Variants in WASF3 observed in about 807,000 individuals in gnomAD.
WASF3 encodes WASP family member 3, also known as actin-binding protein WASF3.
In WASF3, 11 loss-of-function variants were observed where a neutral mutation model predicts 46.6. The ratio of observed to expected loss-of-function variants is 0.24; its 90% confidence interval spans 0.15 to 0.39. WASF3 has a LOEUF of 0.39. Among genes scored for constraint, WASF3 ranks in the 10% least tolerant of loss-of-function variants. The pLI, the probability that WASF3 is intolerant of heterozygous loss-of-function variation, is 1.00. For synonymous variants in WASF3, 242 were observed against 259.7 expected (o/e 0.93, Z 0.65); for missense variants, 576 against 669.8 (o/e 0.86, Z 1.55).
At chr13:26,580,598 T>C (rs1396176910) in intron 1 of WASF3, among the ~76,000 whole-genome samples, 1 of 151,262 alleles carries the variant, frequency 6.6e-6, no homozygotes, top group East Asian at 1.9e-4. Context: ...AAATTATTTC[T>C]GGTAGTTTTG....
In WASF3 at chr13:26,625,323, G is replaced by A. The variant is rs1248734536; in HGVS notation, c.-11+12265G>A. On this transcript the variant is annotated intron_variant, in intron 2 of 9. Transcript: ENST00000335327. ...CTCACACAATTATGGAGGCTGAGAA[G>A]TCCCACAATCTGCTGTCTACAAACT... is the stretch of plus-strand genomic sequence containing the variant. 3.9e-5 allele frequency among the ~76,000 whole-genome samples: 6 copies of A among 152,170 alleles called. No homozygotes were observed. The East Asian group carries it at 1.2e-3, about 29-fold the overall frequency.
At chr13:26,645,399 C>G (rs1450614509) in intron 3 of WASF3, among the ~76,000 whole-genome samples, 1 of 152,172 alleles carries the variant, frequency 6.6e-6, no homozygotes, top group Non-Finnish European at 1.5e-5. Context: ...TATAAGCCAC[C>G]TACTCTGTGG....
chr13:26,600,679 A>G (rs1467884108), intron 1 of WASF3, among the ~76,000 whole-genome samples: 4 of 152,216 alleles, frequency 2.6e-5, no homozygotes, highest in African/African-American at 9.6e-5. Flanking sequence ...GTTGGTTAGT[A>G]CTGGAGGCCA....
In WASF3 at chr13:26,567,106, T is replaced by G. The variant is rs527326180; in HGVS notation, c.-109+9287T>G. 4.6e-5 allele frequency among the ~76,000 whole-genome samples: 7 copies of G among 152,306 alleles called. No homozygotes were observed. In the South Asian group the frequency reaches 1.5e-3, roughly 32 times the overall value. ...CTGTTTATCATGTCCTTAAATAAAG[T>G]GAAAGTACAACAATCAAAAACAATT... On this transcript the variant is annotated intron_variant, in intron 1 of 9. Coordinates refer to ENST00000335327, the MANE Select transcript of WASF3 (RefSeq NM_006646.6).
chr13:26,600,475 C>T (rs1049707584), intron 1 of WASF3, among the ~76,000 whole-genome samples: 2 of 152,184 alleles, frequency 1.3e-5, no homozygotes, highest in African/African-American at 4.8e-5. Flanking sequence ...GCATGGCAGG[C>T]TCAGTAGCAG....
intron 1 of WASF3, among the ~76,000 whole-genome samples, chr13:26,599,014 A>G (rs534781669): frequency 9.9e-5 from 15 of 151,866 alleles, no homozygotes; most frequent in African/African-American, 3.4e-4. Flanking sequence ...GGGATTACAC[A>G]TGCATGCCAC....
chr13:26,674,321 G>A (rs994902838), intron 6 of WASF3, among the ~76,000 whole-genome samples: 23 of 152,250 alleles, frequency 1.5e-4, no homozygotes, highest in East Asian at 7.7e-4. Flanking sequence ...CCAAAAGGCC[G>A]AGAAGCGATT....
intron 2 of WASF3, among the ~76,000 whole-genome samples, chr13:26,630,841 T>C (rs1489870999): frequency 6.6e-6 from 1 of 152,248 alleles, no homozygotes; most frequent in African/African-American, 2.4e-5. Flanking sequence ...GACTTTTTAA[T>C]GATTGCCATT....
At chr13:26,589,745 G>T (rs1054591122) in intron 1 of WASF3, among the ~76,000 whole-genome samples, 1 of 152,188 alleles carries the variant, frequency 6.6e-6, no homozygotes, top group African/African-American at 2.4e-5. Context: ...GTAGTTTGGG[G>T]TGTAGGATAC....
chr13:26,560,108 C>T (rs574268452), intron 1 of WASF3, among the ~76,000 whole-genome samples: 20 of 152,074 alleles, frequency 1.3e-4, no homozygotes, highest in African/African-American at 3.6e-4. Flanking sequence ...CGTGAGCCAC[C>T]GCTCCCGGCC....
intron 1 of WASF3, among the ~76,000 whole-genome samples, chr13:26,567,693 G>A (rs556926): frequency 0.83 from 125,432 of 151,548 alleles, 51,943 homozygotes; most frequent in East Asian, 0.9. Flanking sequence ...GCTAATAAAC[G>A]ACATTAAAAA....
chr13:26,671,912 T>A lies in WASF3; in HGVS notation c.463T>A (p.Ser155Thr). 1 of 1,611,218 alleles carries A rather than the reference T, an allele frequency of 6.2e-7. No individual in the cohort carries two copies. The change falls in exon 6 of 10, where the codon TCC (serine) becomes ACC (threonine). Residue 155 changes from serine to threonine, a missense_variant. Transcript: ENST00000335327. ...TGGGCTGAAGTTCTATACTGATCCT[T>A]CCTATTTCTTTGACCTCTGGAAAGA... The part of the protein sequence containing the change: ...KDGLKFYTDP[S>T]YFFDLWKEKM...
Position 26,655,404 on chromosome 13 carries a change from G to T in WASF3, c.134-9624G>T, listed in dbSNP as rs900714133. Among the ~76,000 whole-genome samples the T allele has an allele frequency of 1.1e-4, 16 of 152,166 alleles. 1 individual carries two copies. Among genetic ancestry groups the T allele is most frequent in the Admixed American group, 5.2e-4 (8 of 15,276 alleles). On this transcript the variant is annotated intron_variant, in intron 3 of 9. Transcript: ENST00000335327. ...CTGTGCGTTTCATTAGGAAGCTCATGTGTCTGCTTGTGTCATAACTGGTGG... is the reference window on the plus strand; with the variant it reads ...CTGTGCGTTTCATTAGGAAGCTCATTTGTCTGCTTGTGTCATAACTGGTGG...
upstream of WASF3, among the ~76,000 whole-genome samples, chr13:26,557,144 A>C (rs936019055): frequency 5.3e-5 from 8 of 152,178 alleles, no homozygotes; most frequent in African/African-American, 1.7e-4. Context: ...AGGGTGATAA[A>C]AACAGAAGAA....
At chr13:26,585,544 T>G (rs1049196903) in intron 1 of WASF3, among the ~76,000 whole-genome samples, 1 of 152,166 alleles carries the variant, frequency 6.6e-6, no homozygotes, top group Non-Finnish European at 1.5e-5. Flanking sequence ...TACCTCATGG[T>G]CTCTTTGACT....
At chr13:26,594,592 T>C (rs1261082282) in intron 1 of WASF3, among the ~76,000 whole-genome samples, 1 of 152,156 alleles carries the variant, frequency 6.6e-6, no homozygotes, top group African/African-American at 2.4e-5. Flanking sequence ...TGTATCACTT[T>C]CCCCGTGTAC....
intron 1 of WASF3, among the ~76,000 whole-genome samples, chr13:26,569,663 A>C (rs1879574721): frequency 6.6e-6 from 1 of 152,204 alleles, no homozygotes; most frequent in Non-Finnish European, 1.5e-5. Context: ...GAAGTTAGAA[A>C]GGAACAGCAT....
intron 9 of WASF3, 92 bp from the exon 10 acceptor site, chr13:26,685,596 G>GA (rs372797284): frequency 4.1e-5 from 61 of 1,480,782 alleles, no homozygotes; most frequent in African/African-American, 3.6e-4. Flanking sequence ...AGTGTCAGTA[G>GA]AAAAAAAAGT....
At chr13:26,587,222 C>T in intron 1 of WASF3, among the ~76,000 whole-genome samples, 1 of 144,576 alleles carries the variant, frequency 6.9e-6, no homozygotes, top group Non-Finnish European at 1.5e-5. Flanking sequence ...GCAGAGGGGT[C>T]CTCATACTTG....
Sources: allele counts gnomAD v4.1 joint callset (sites outside exome capture counted in the v4.1 genomes callset), GRCh38; gene constraint gnomAD v4.1.1; transcripts MANE v1.5; gene names NCBI Gene and HGNC (gene_info 2026-07-23, HGNC 2026-07-21).